The following NAA15 variants were observed in gnomAD, a reference collection of about 807,000 sequenced individuals.
NAA15 encodes the protein N-alpha-acetyltransferase 15, NatA auxiliary subunit.
In NAA15, 34 loss-of-function variants were observed where a neutral mutation model predicts 114.0. The observed-to-expected ratio is 0.30, with a 90% confidence interval of 0.23 to 0.40. The LOEUF is 0.40. Ranked by LOEUF, NAA15 falls within the 10% of genes least tolerant of loss-of-function variation. NAA15 has a pLI of 1.00. For missense variants in NAA15, 658 were observed against 1,004.5 expected (o/e 0.66, Z 4.66); for synonymous variants, 340 against 338.0 (o/e 1.01, Z -0.06).
At position 139,385,281 on chromosome 4, in the gene NAA15, A is replaced by AT. The variant is rs71593729; in HGVS notation, c.2302+304dup. Among the ~76,000 whole-genome samples the AT allele has an allele frequency of 2.6e-4, 31 of 121,212 alleles. 1 individual carries two copies. The highest frequency in any genetic ancestry group is 1.1e-3 in the African/African-American group (27 of 23,976). 79.5% of individuals were successfully genotyped at this position (121,212 alleles called of 152,430 possible). Reference sequence around the variant, plus strand: ...AAAACAAAACCAAACATATATATATATAATATATATATATATATAATATAT... The same window carrying AT: ...AAAACAAAACCAAACATATATATATATTAATATATATATATATATAATATAT... On this transcript the variant is annotated intron_variant, in intron 18 of 19. Transcript: ENST00000296543.
At chr4:139,306,795 A>G (rs1203486846) in intron 1 of NAA15, among the ~76,000 whole-genome samples, 2 of 152,200 alleles carry the variant, frequency 1.3e-5, no homozygotes, top group South Asian at 2.1e-4. Flanking sequence ...TGAGGTTGCC[A>G]GAGTAGAACA....
intron 13 of NAA15, 126 bp downstream of exon 13, chr4:139,360,754 C>A: frequency 1.2e-6 from 1 of 828,488 alleles, no homozygotes; most frequent in Non-Finnish European, 1.7e-6. Flanking sequence ...TCAGTATTCA[C>A]TTTTTTCAGT....
In NAA15 at chr4:139,384,952, C is replaced by A; in HGVS notation, c.2276C>A (p.Ser759Tyr). ...AATGAAACTTTTCTGAAAAGGAATT[C>A]TGATTCATTGCCACACAGATTATCA... ...NFNETFLKRN[S>Y]DSLPHRLSAA... Residue 759 changes from serine to tyrosine, a missense_variant, in exon 18 of 20, where the codon TCT becomes TAT. Around this residue, in one of 6 missense-constraint regions of NAA15, gnomAD observed 275 missense variants for 371.1 expected, o/e 0.74. Transcript: ENST00000296543. 6.4e-7 allele frequency: 1 copy of A among 1,570,656 alleles called. No homozygotes were observed. Among genetic ancestry groups the A allele is most frequent in the South Asian group, 1.2e-5 (1 of 80,802 alleles).
chr4:139,340,482 C>T (rs1038923010), intron 3 of NAA15, among the ~76,000 whole-genome samples: 13 of 152,082 alleles, frequency 8.5e-5, no homozygotes, highest in African/African-American at 3.1e-4. Flanking sequence ...AACTGGATTC[C>T]ATGAAGACCC....
rs533899297 is a variant in NAA15, at chr4:139,338,840, T to G, written c.244+1888T>G. Reference sequence around the variant, plus strand: ...GTTTGTTTGTTTTTGAGATGGAGTTTCACTCTGTCACCCAGGCTAGAGTGC... The same window carrying G: ...GTTTGTTTGTTTTTGAGATGGAGTTGCACTCTGTCACCCAGGCTAGAGTGC... On this transcript the variant is annotated intron_variant, in intron 3 of 19. Coordinates refer to ENST00000296543, the MANE Select transcript of NAA15 (RefSeq NM_057175.5). Among the ~76,000 whole-genome samples, 5 of 152,190 alleles carry G rather than the reference T, an allele frequency of 3.3e-5. No individual in the cohort carries two copies. The South Asian group carries it at 1.0e-3, about 32-fold the overall frequency.
intron 15 of NAA15, among the ~76,000 whole-genome samples, chr4:139,371,474 TAAA>T (rs771223256): frequency 2.6e-5 from 2 of 78,014 alleles, no homozygotes; most frequent in Non-Finnish European, 2.7e-5. Flanking sequence ...CTCTGTCTCT[TAAA>T]AAAAAAAAAA....
rs763502958 is a variant in NAA15 at position 139,341,087 on chromosome 4, T to G, written c.402+18T>G. ...GTTACAGGGTAAGTAAAATAGAGAC[T>G]TTTTTTTTTAATTCTAAGGGGAAAA... On this transcript the variant is annotated intron_variant, in intron 4 of 19. Transcript: ENST00000296543. 3 of 1,114,606 alleles carry G rather than the reference T, an allele frequency of 2.7e-6. No homozygotes were observed. The highest frequency in any genetic ancestry group is 3.6e-6 in the Non-Finnish European group (3 of 835,770). 69.0% of individuals were successfully genotyped at this position (1,114,606 alleles called of 1,614,324 possible). A position where few individuals can be genotyped will look rare whatever the true frequency, so the allele number is the denominator to read the frequency against.
rs1404838934 is a variant in NAA15, at chr4:139,388,140, T to C, written c.*56T>C. The C allele has an allele frequency of 6.1e-6, 9 of 1,468,248 alleles. No individual in the cohort carries two copies. In the Admixed American group the frequency reaches 1.6e-4, roughly 27 times the overall value. 91.0% of individuals were successfully genotyped at this position (1,468,248 alleles called of 1,614,324 possible). Reference sequence around the variant, plus strand: ...TGGACCATATCTAGTATATAATATTTTTGTCACGCACCTGCTGCATTGCTC... The same window carrying C: ...TGGACCATATCTAGTATATAATATTCTTGTCACGCACCTGCTGCATTGCTC... On this transcript the variant is annotated 3_prime_UTR_variant, in exon 20 of 20. Transcript: ENST00000296543.
chr4:139,353,891 A>G, intron 9 of NAA15, 135 bp from the exon 10 acceptor site: 2 of 633,912 alleles, frequency 3.2e-6, no homozygotes, highest in Non-Finnish European at 5.5e-6. Flanking sequence ...TCTAGAGGTT[A>G]AGATATTTTT....
intron 1 of NAA15, among the ~76,000 whole-genome samples, chr4:139,314,435 G>T (rs749863463): frequency 4.6e-5 from 7 of 151,884 alleles, no homozygotes; most frequent in Admixed American, 6.6e-5. Context: ...TTGTGTTGGA[G>T]CCAATGTGTG....
chr4:139,343,587 G>T (rs930841092), intron 5 of NAA15, among the ~76,000 whole-genome samples: 2 of 152,204 alleles, frequency 1.3e-5, no homozygotes, highest in Non-Finnish European at 2.9e-5. Context: ...TTTTCTGATG[G>T]TTCCTCATTC....
intron 11 of NAA15, among the ~76,000 whole-genome samples, chr4:139,358,476 A>G (rs1399562815): frequency 2.0e-5 from 3 of 152,076 alleles, no homozygotes; most frequent in Non-Finnish European, 4.4e-5. Context: ...GATTGTAGGC[A>G]TGAGCCCCTG....
At chr4:139,319,626 G>A (rs1746533114) in intron 1 of NAA15, among the ~76,000 whole-genome samples, 2 of 151,292 alleles carry the variant, frequency 1.3e-5, no homozygotes, top group Admixed American at 1.3e-4. Context: ...GTAGAGATGG[G>A]TTTTGCCATG....
rs199552701 is a variant in NAA15, at chr4:139,334,274, T to A, written c.139+16T>A. On this transcript the variant is annotated intron_variant, in intron 2 of 19. Transcript: ENST00000296543. ...GAGCATGGAGGTAAGTGCAAGTAGA[T>A]AAAGCTTTACTACATACCTGTCTGG... 2.4e-4 allele frequency: 376 copies of A among 1,545,196 alleles called. No homozygotes were observed. In the African/African-American group the frequency reaches 4.9e-3, roughly 20 times the overall value.
chr4:139,347,976 G>A (rs1288565933), intron 6 of NAA15, among the ~76,000 whole-genome samples: 31 of 150,094 alleles, frequency 2.1e-4, no homozygotes, highest in Admixed American at 2.0e-3. Context: ...AGCTTGCAGT[G>A]AGCCGAGATT....
At chr4:139,332,321 G>A (rs1327054394) in intron 1 of NAA15, among the ~76,000 whole-genome samples, 4 of 151,820 alleles carry the variant, frequency 2.6e-5, no homozygotes, top group Admixed American at 2.6e-4. Flanking sequence ...AGTAGAAACG[G>A]GGTTTCACCA....
rs1747996764 is a variant in NAA15 at position 139,357,562 on chromosome 4, A to G, written c.1257+7A>G. The G allele has an allele frequency of 6.4e-7, 1 of 1,566,754 alleles. No individual in the cohort carries two copies. The highest frequency in any genetic ancestry group is 8.7e-7 in the Non-Finnish European group (1 of 1,146,800). On this transcript the variant is annotated splice_region_variant and intron_variant, in intron 11 of 19. Transcript: ENST00000296543. ...GAAAGCTAAAATCTATAAGGTAAAA[A>G]TCTTTTTTTCTATTTTCTTATAAGG...
At chr4:139,331,302 T>G (rs1746991852) in intron 1 of NAA15, among the ~76,000 whole-genome samples, 1 of 152,184 alleles carries the variant, frequency 6.6e-6, no homozygotes. Flanking sequence ...TACATCACTA[T>G]TTCTTCTTGA....
intron 14 of NAA15, among the ~76,000 whole-genome samples, chr4:139,363,135 TC>T (rs1748181011): frequency 6.6e-6 from 1 of 152,240 alleles, no homozygotes; most frequent in South Asian, 2.1e-4. Context: ...GTAAGAAGAA[TC>T]TGCTGGACAA....
Sources: gnomAD v4.1 joint callset for allele counts (sites outside exome capture counted in the v4.1 genomes callset) on GRCh38, gnomAD v4.1.1 for gene constraint, gnomAD v4.1.1 regional missense constraint, MANE v1.5 for transcripts, NCBI Gene and HGNC (gene_info 2026-07-23, HGNC 2026-07-21) for gene names.